EML2: variants seen among roughly 807,000 people sequenced by gnomAD.
EML2 encodes EMAP like 2, also known as echinoderm microtubule-associated protein-like 2.
In EML2, 59 loss-of-function variants were observed where a neutral mutation model predicts 84.7. That is an observed-to-expected ratio of 0.70 (90% CI 0.56 to 0.86). The LOEUF (loss-of-function observed/expected upper bound fraction) is 0.86, where lower values mean the gene tolerates loss of function less well. Among genes scored for constraint, EML2 ranks in the 40% least tolerant of loss-of-function variants. The probability of loss-of-function intolerance (pLI) is 0.00; values close to 1 mark genes in which losing one functional copy is unlikely to be tolerated. For missense variants in EML2, 818 were observed against 855.6 expected (o/e 0.96, Z 0.55); for synonymous variants, 352 against 348.9 (o/e 1.01, Z -0.10).
intron 16 of EML2, among the ~76,000 whole-genome samples, chr19:45,615,472 C>G (rs922034067): frequency 8.6e-5 from 13 of 150,676 alleles, no homozygotes; most frequent in African/African-American, 2.7e-4. Flanking sequence ...GAGCCGAGAT[C>G]GCGCCACTGC....
intron 3 of EML2, among the ~76,000 whole-genome samples, chr19:45,636,959 C>T (rs549543701): frequency 2.6e-5 from 4 of 152,354 alleles, no homozygotes; most frequent in African/African-American, 7.2e-5. Context: ...GAATGATTGT[C>T]AATATACATA....
intron 18 of EML2, among the ~76,000 whole-genome samples, chr19:45,612,632 C>G (rs1970612967): frequency 6.6e-6 from 1 of 151,974 alleles, no homozygotes; most frequent in African/African-American, 2.4e-5. Flanking sequence ...CGAGATTGTG[C>G]CATGCCACTG....
rs373532902 is a variant in EML2 at position 45,617,687 on chromosome 19, C to T, written c.1265G>A (p.Arg422His). The change falls in exon 13 of 19, where the codon CGC (arginine) becomes CAC (histidine). Residue 422 changes from arginine to histidine, a missense_variant. By Grantham distance (29) the Arg-to-His change is conservative. Transcript: ENST00000245925. The stretch of plus-strand genomic sequence containing the variant: ...GCCACTGGGGTGGAAGCCGGCTGAG[C>T]GGGCAGGGTCCTGAGAAGGGAGAGA... The part of the protein sequence containing the change: ...LWSRIIEDPA[R>H]SAGFHPSGSV... The T allele has an allele frequency of 3.2e-5, 52 of 1,613,412 alleles. No homozygotes were observed. Among genetic ancestry groups the T allele is most frequent in the African/African-American group, 8.0e-5 (6 of 74,908 alleles).
intron 11 of EML2, 27 bp from the exon 12 acceptor site, chr19:45,619,218 G>A (rs1288356663): frequency 6.2e-7 from 1 of 1,600,826 alleles, no homozygotes; most frequent in Admixed American, 1.7e-5. Flanking sequence ...ACAGCAGGAT[G>A]GAGACAGCAG....
At chr19:45,610,241 A>G (rs887503504) in intron 18 of EML2, among the ~76,000 whole-genome samples, 2 of 151,978 alleles carry the variant, frequency 1.3e-5, no homozygotes, top group Admixed American at 1.3e-4. Context: ...TACTAAAAAT[A>G]TAAAAATTAG....
chr19:45,610,672 T>C (rs1438403880), intron 18 of EML2, among the ~76,000 whole-genome samples: 1 of 151,460 alleles, frequency 6.6e-6, no homozygotes, highest in Non-Finnish European at 1.5e-5. Flanking sequence ...ACCCTGTCTC[T>C]ACTAAAAATA....
intron 3 of EML2, among the ~76,000 whole-genome samples, chr19:45,637,408 C>A (rs1292043138): frequency 2.0e-5 from 3 of 151,560 alleles, no homozygotes; most frequent in Admixed American, 6.6e-5. Context: ...AAAATAAATT[C>A]ATACCTGGAA....
Position 45,616,326 on chromosome 19 carries a change from G to A in EML2, c.1509+135C>T. On this transcript the variant is annotated intron_variant, in intron 15 of 18. Coordinates refer to ENST00000245925, the MANE Select transcript of EML2 (RefSeq NM_012155.4). The stretch of plus-strand genomic sequence containing the variant: ...CACGAGGTGGTGAATGTGTGGACGT[G>A]GCCAAGACTCCTTGCTCTGATCAGG... 3 of 650,796 alleles carry A rather than the reference G, an allele frequency of 4.6e-6. No homozygotes were observed. In the South Asian group the frequency reaches 5.8e-5, roughly 13 times the overall value. 40.3% of individuals were successfully genotyped at this position (650,796 alleles called of 1,614,324 possible).
intron 6 of EML2, among the ~76,000 whole-genome samples, chr19:45,630,377 C>A (rs1403049396): frequency 2.6e-5 from 4 of 151,538 alleles, no homozygotes; most frequent in Non-Finnish European, 4.4e-5. Flanking sequence ...CATAGTGAAA[C>A]CCTGTCTCTA....
chr19:45,617,729 G>A, intron 12 of EML2, 32 bp from the exon 13 acceptor site: 5 of 1,603,444 alleles, frequency 3.1e-6, no homozygotes, highest in Non-Finnish European at 4.3e-6. Context: ...GCAGGGCTCA[G>A]AGCTGGGGTC....
intron 18 of EML2, among the ~76,000 whole-genome samples, chr19:45,611,882 TTTTTG>T (rs910157094): frequency 3.9e-5 from 6 of 152,204 alleles, no homozygotes; most frequent in African/African-American, 1.4e-4. Context: ...TTTGTTTTTG[TTTTTG>T]TTTTATGACG....
chr19:45,645,183 G>A, upstream of EML2: 1 of 1,376,080 alleles, frequency 7.3e-7, no homozygotes, highest in Non-Finnish European at 9.8e-7. Flanking sequence ...CAAGGGAGGG[G>A]GTTGGGGACT....
chr19:45,619,045 C>A lies in EML2; in HGVS notation c.1254+15G>T, dbSNP rs1198595211. 6.3e-7 allele frequency: 1 copy of A among 1,596,052 alleles called. No homozygotes were observed. Among genetic ancestry groups the A allele is most frequent in the South Asian group, 1.1e-5 (1 of 89,228 alleles). ...TCTGTTAGAATGGTGCTTTTCCAGT[C>A]CCCGGGCCCCTTACCTCGATGATCC... On this transcript the variant is annotated intron_variant, in intron 12 of 18. Transcript: ENST00000245925.
At chr19:45,645,213 C>T, upstream of EML2, 2 of 1,497,738 alleles carry the variant, frequency 1.3e-6, no homozygotes, top group Non-Finnish European at 1.8e-6. Context: ...GAGGCTGGGG[C>T]AAGAAGAGAT....
chr19:45,634,317 C>A lies in EML2; in HGVS notation c.329+5G>T. On this transcript the variant is annotated splice_donor_5th_base_variant and intron_variant, in intron 4 of 18. Transcript: ENST00000245925. ...CCCTCCCGTCCCCTCTGTCCCACAT[C>A]TCACCATTTGATGTCATCGTTGTGT... The A allele has an allele frequency of 6.2e-7, 1 of 1,613,032 alleles. No homozygotes were observed. Among genetic ancestry groups the A allele is most frequent in the Non-Finnish European group, 8.5e-7 (1 of 1,179,316 alleles).
chr19:45,639,241 T>A, intron 1 of EML2, 116 bp downstream of exon 1: 1 of 1,095,450 alleles, frequency 9.1e-7, no homozygotes, highest in Non-Finnish European at 1.3e-6. Context: ...GGGGAGAGTT[T>A]AAGGGAAGGG....
At chr19:45,638,434 G>A (rs138562379) in intron 3 of EML2, 71 bp downstream of exon 3, 32,609 of 1,604,318 alleles carry the variant, frequency 0.02, 386 homozygotes, top group Non-Finnish European at 0.024. Flanking sequence ...ACAGGCCTGA[G>A]CTGCCTTGAC....
At chr19:45,638,782 G>A in intron 2 of EML2, 63 bp downstream of exon 2, 1 of 1,605,672 alleles carries the variant, frequency 6.2e-7, no homozygotes, top group Non-Finnish European at 8.5e-7. Context: ...CCTGACCTCT[G>A]GCTCCAGCCT....
At chr19:45,618,548 C>T (rs960202092) in intron 12 of EML2, among the ~76,000 whole-genome samples, 12 of 151,958 alleles carry the variant, frequency 7.9e-5, no homozygotes, top group African/African-American at 1.9e-4. Context: ...CAGGATGGTT[C>T]GGTGTCGTCC....
Sources: gnomAD v4.1 joint callset for allele counts (sites outside exome capture counted in the v4.1 genomes callset) on GRCh38, gnomAD v4.1.1 for gene constraint, MANE v1.5 for transcripts, NCBI Gene and HGNC (gene_info 2026-07-23, HGNC 2026-07-21) for gene names.